GRB10: variants seen among roughly 807,000 people sequenced by gnomAD.
The protein encoded by GRB10 is growth factor receptor-bound protein 10.
GRB10 carries 20 observed loss-of-function variants against 80.9 expected under a neutral mutation model. That is an observed-to-expected ratio of 0.25 (90% confidence interval 0.17 to 0.36). The LOEUF is 0.36. Among genes scored for constraint, GRB10 ranks in the 10% least tolerant of loss-of-function variants. The pLI is 1.00. For synonymous variants in GRB10, 291 were observed against 291.5 expected, an observed-to-expected ratio of 1.00 and a Z score of 0.02; for missense variants, 548 against 747.7, an observed-to-expected ratio of 0.73 and a Z score of 3.12.
At chr7:50,688,263 A>G (rs1462396065) in intron 5 of GRB10, among the ~76,000 whole-genome samples, 2 of 152,222 alleles carry the variant, frequency 1.3e-5, no homozygotes, top group East Asian at 3.9e-4. Flanking sequence ...AAAAAACAAC[A>G]TGATCCCTGG....
intron 15 of GRB10, chr7:50,605,062 C>T (rs371540675): frequency 1.7e-6 from 1 of 577,548 alleles, no homozygotes; most frequent in Non-Finnish European, 3.1e-6. Flanking sequence ...CCTCTCCTGT[C>T]CCTTCCATGA....
intron 1 of GRB10, chr7:50,792,693 G>A: frequency 2.7e-6 from 1 of 376,660 alleles, no homozygotes; most frequent in Non-Finnish European, 4.7e-6. Context: ...TCGGGATTTG[G>A]GAGTGTCTGG....
At chr7:50,777,709 T>C (rs1376981382) in intron 2 of GRB10, among the ~76,000 whole-genome samples, 1 of 152,076 alleles carries the variant, frequency 6.6e-6, no homozygotes, top group Non-Finnish European at 1.5e-5. Flanking sequence ...ATGTGGTACA[T>C]ATACACCGTG....
chr7:50,710,811 C>T, intron 4 of GRB10: 1 of 1,552,916 alleles, frequency 6.4e-7, no homozygotes, highest in Middle Eastern at 1.8e-4. Flanking sequence ...ATTAAAATAA[C>T]ATAAATAAAG....
intron 7 of GRB10, among the ~76,000 whole-genome samples, chr7:50,639,575 A>G (rs536295486): frequency 6.6e-6 from 1 of 152,074 alleles, no homozygotes; most frequent in African/African-American, 2.4e-5. Context: ...TGGGAGGCTG[A>G]GGCGGGAGAA....
At chr7:50,610,149 ACACACGGGATGCCTTGT>A in intron 13 of GRB10, among the ~76,000 whole-genome samples, 1 of 152,188 alleles carries the variant, frequency 6.6e-6, no homozygotes, top group African/African-American at 2.4e-5. Context: ...GGCAGAGCAC[ACACACGGGATGCCTTGT>A]TTTAGAATGA....
At chr7:50,772,835 A>C (rs1183198465) in intron 2 of GRB10, among the ~76,000 whole-genome samples, 3 of 152,236 alleles carry the variant, frequency 2.0e-5, no homozygotes, top group African/African-American at 7.2e-5. Context: ...AGAAAAGGAC[A>C]AAACAGTTGC....
intron 14 of GRB10, 71 bp from the exon 15 acceptor site, chr7:50,605,477 T>A: frequency 1.6e-6 from 2 of 1,221,720 alleles, no homozygotes; most frequent in South Asian, 2.4e-5. Context: ...CATGAAACTA[T>A]CATCAAGACG....
intron 2 of GRB10, among the ~76,000 whole-genome samples, chr7:50,772,829 A>C (rs1395652271): frequency 1.3e-5 from 2 of 152,234 alleles, no homozygotes; most frequent in Non-Finnish European, 2.9e-5. Flanking sequence ...GCCTGCAGAA[A>C]AGGACAAAAC....
intron 7 of GRB10, among the ~76,000 whole-genome samples, chr7:50,635,570 A>AAAAC (rs1004764524): frequency 6.6e-6 from 1 of 152,008 alleles, no homozygotes; most frequent in African/African-American, 2.4e-5. Context: ...ACAAAACAAA[A>AAAAC]AAACCCACAA....
chr7:50,703,434 C>A (rs2064519940), intron 5 of GRB10, among the ~76,000 whole-genome samples: 1 of 152,146 alleles, frequency 6.6e-6, no homozygotes, highest in Non-Finnish European at 1.5e-5. Flanking sequence ...GGAACAGAAT[C>A]ACAGAAAGGT....
intron 7 of GRB10, among the ~76,000 whole-genome samples, chr7:50,638,726 G>A (rs1332491859): frequency 6.6e-6 from 1 of 152,170 alleles, no homozygotes; most frequent in Non-Finnish European, 1.5e-5. Flanking sequence ...ATTCAACCCA[G>A]TAATCCCACT....
chr7:50,726,800 T>A (rs753226505), intron 4 of GRB10: 7 of 152,162 alleles, frequency 4.6e-5, no homozygotes, highest in Non-Finnish European at 1.0e-4. Flanking sequence ...ATACAAATTC[T>A]ATGTTTTATT....
chr7:50,746,665 A>G (rs2072964569), intron 3 of GRB10, among the ~76,000 whole-genome samples: 3 of 152,098 alleles, frequency 2.0e-5, no homozygotes, highest in Admixed American at 6.5e-5. Flanking sequence ...CTTTCTCCAC[A>G]AAAGAGGCTT....
chr7:50,722,019 TAGGG>T (rs2067830771), intron 4 of GRB10, among the ~76,000 whole-genome samples: 1 of 152,154 alleles, frequency 6.6e-6, no homozygotes, highest in Non-Finnish European at 1.5e-5. Flanking sequence ...AGGCTGCTGG[TAGGG>T]AGGATCAGGC....
intron 5 of GRB10, among the ~76,000 whole-genome samples, chr7:50,681,011 A>G (rs1379168278): frequency 6.6e-6 from 1 of 152,192 alleles, no homozygotes; most frequent in Non-Finnish European, 1.5e-5. Flanking sequence ...TATGGAGACT[A>G]CTGATTCTCT....
chr7:50,629,676 G>C (rs1439603491), intron 7 of GRB10, among the ~76,000 whole-genome samples: 1 of 152,220 alleles, frequency 6.6e-6, no homozygotes, highest in Non-Finnish European at 1.5e-5. Context: ...TGTTTGTAAG[G>C]AACACAAGAG....
chr7:50,615,513 C>A (rs1340880697), intron 11 of GRB10, among the ~76,000 whole-genome samples: 2 of 152,194 alleles, frequency 1.3e-5, no homozygotes, highest in Non-Finnish European at 2.9e-5. Flanking sequence ...CCGGCCCCAA[C>A]ACCTTCCCAG....
chr7:50,743,813 A>C (rs1319530801), intron 3 of GRB10, among the ~76,000 whole-genome samples: 1 of 152,208 alleles, frequency 6.6e-6, no homozygotes, highest in Non-Finnish European at 1.5e-5. Context: ...TGTGGTCCAC[A>C]CACAGACATG....
Sources: allele counts gnomAD v4.1 joint callset (sites outside exome capture counted in the v4.1 genomes callset), GRCh38; gene constraint gnomAD v4.1.1; transcripts MANE v1.5; gene names NCBI Gene and HGNC (gene_info 2026-07-23, HGNC 2026-07-21).